Variants in KCNH7 observed in about 807,000 individuals in gnomAD.
KCNH7 encodes voltage-gated inwardly rectifying potassium channel KCNH7.
KCNH7 carries 49 observed loss-of-function variants against 120.8 expected under a neutral mutation model. The ratio of observed to expected loss-of-function variants is 0.41; its 90% CI spans 0.32 to 0.51. The LOEUF is 0.51. KCNH7 is among the 20% of genes least tolerant of loss of function. The pLI is 0.38. For missense variants in KCNH7, 1,097 were observed against 1,446.6 expected (o/e 0.76, Z 3.92); for synonymous variants, 547 against 516.1 (o/e 1.06, Z -0.81).
At chr2:162,464,310 A>G (rs1038515582) in intron 6 of KCNH7, among the ~76,000 whole-genome samples, 6 of 151,914 alleles carry the variant, frequency 3.9e-5, no homozygotes, top group African/African-American at 1.4e-4. Flanking sequence ...CTGATATTAT[A>G]CTATATATCT....
intron 6 of KCNH7, 63 bp downstream of exon 6, chr2:162,504,380 T>C (rs1230554582): frequency 8.3e-7 from 1 of 1,200,856 alleles, no homozygotes; most frequent in Non-Finnish European, 1.2e-6. Flanking sequence ...AAAAAGAATA[T>C]GTTTCATGGT....
chr2:162,698,171 T>C (rs540132499), intron 2 of KCNH7, among the ~76,000 whole-genome samples: 1 of 152,274 alleles, frequency 6.6e-6, no homozygotes, highest in African/African-American at 2.4e-5. Flanking sequence ...CATAAAACAT[T>C]TAATTTTTGC....
At chr2:162,408,181 T>C (rs185486433) in intron 9 of KCNH7, among the ~76,000 whole-genome samples, 22 of 152,178 alleles carry the variant, frequency 1.4e-4, no homozygotes, top group African/African-American at 4.8e-4. Context: ...TAGTTAGACA[T>C]AAAATGTTTC....
chr2:162,541,414 T>C (rs1354183054), intron 2 of KCNH7, among the ~76,000 whole-genome samples: 1 of 151,784 alleles, frequency 6.6e-6, no homozygotes, highest in African/African-American at 2.4e-5. Flanking sequence ...TTGTGGTGCG[T>C]TCAATAGCAA....
At chr2:162,450,003 T>A (rs192770101) in intron 6 of KCNH7, among the ~76,000 whole-genome samples, 4 of 152,086 alleles carry the variant, frequency 2.6e-5, no homozygotes, top group Non-Finnish European at 5.9e-5. Context: ...ATCTAATAGA[T>A]ACAACATTTT....
At chr2:162,454,764 T>C (rs1170340124) in intron 6 of KCNH7, among the ~76,000 whole-genome samples, 1 of 152,122 alleles carries the variant, frequency 6.6e-6, no homozygotes, top group African/African-American at 2.4e-5. Context: ...ACAGGAATGC[T>C]TGTCGTTTTT....
rs772921895 is a variant in KCNH7, at chr2:162,435,526, A to G, written c.1626T>C (p.Asp542=). The G allele has an allele frequency of 3.1e-6, 5 of 1,613,598 alleles. No homozygotes were observed. The highest frequency in any genetic ancestry group is 4.2e-6 in the Non-Finnish European group (5 of 1,179,750). ...CAGCAGCGCCATATTCTGAATATCG[A>G]TCCAGTTTCCTGGCCACGCGCACAA... ...LRLVRVARKL[D]RYSEYGAAVL... The change falls in exon 8 of 16, where the codon GAT becomes GAC. Residue 542 remains aspartate (D), a synonymous_variant. Transcript: ENST00000332142.
intron 2 of KCNH7, among the ~76,000 whole-genome samples, chr2:162,585,045 T>G (rs1020848248): frequency 3.3e-5 from 5 of 151,852 alleles, no homozygotes; most frequent in Non-Finnish European, 7.4e-5. Context: ...TAATCAACAC[T>G]TCACTTCTGG....
chr2:162,798,135 T>C (rs1207105960), intron 2 of KCNH7, among the ~76,000 whole-genome samples: 1 of 152,108 alleles, frequency 6.6e-6, no homozygotes, highest in African/African-American at 2.4e-5. Context: ...CTGTGTCCCA[T>C]GTAAACTATA....
At chr2:162,385,677 G>T (rs1285683053) in intron 12 of KCNH7, among the ~76,000 whole-genome samples, 1 of 151,852 alleles carries the variant, frequency 6.6e-6, no homozygotes, top group Non-Finnish European at 1.5e-5. Context: ...TTCTATTAGT[G>T]TCCTGGGGAG....
chr2:162,628,815 G>A (rs553978022), intron 2 of KCNH7, among the ~76,000 whole-genome samples: 54 of 152,014 alleles, frequency 3.6e-4, no homozygotes, highest in Non-Finnish European at 3.7e-4. Context: ...AGTATTCCAC[G>A]GTGTATGTGT....
intron 2 of KCNH7, among the ~76,000 whole-genome samples, chr2:162,554,166 C>T (rs1484974786): frequency 6.6e-6 from 1 of 152,114 alleles, no homozygotes; most frequent in East Asian, 1.9e-4. Flanking sequence ...ATATCATCTG[C>T]CCATGCCTCT....
chr2:162,756,642 T>C (rs919462212), intron 2 of KCNH7, among the ~76,000 whole-genome samples: 2 of 152,114 alleles, frequency 1.3e-5, no homozygotes, highest in African/African-American at 4.8e-5. Context: ...TTTTTGTTTA[T>C]TTTTTAGAAA....
At chr2:162,805,418 C>A (rs1035679796) in intron 2 of KCNH7, among the ~76,000 whole-genome samples, 1 of 151,746 alleles carries the variant, frequency 6.6e-6, no homozygotes, top group Non-Finnish European at 1.5e-5. Context: ...AAAAAGTGAG[C>A]AAAGGACATG....
At chr2:162,387,769 AGCATAGAATAAGT>A (rs1686618595) in intron 12 of KCNH7, among the ~76,000 whole-genome samples, 1 of 151,774 alleles carries the variant, frequency 6.6e-6, no homozygotes, top group South Asian at 2.1e-4. Context: ...TGTATTCAAG[AGCATAGAATAAGT>A]GTCCTAATGG....
At chr2:162,820,024 T>G (rs1190377446) in intron 2 of KCNH7, among the ~76,000 whole-genome samples, 2 of 148,640 alleles carry the variant, frequency 1.3e-5, no homozygotes, top group East Asian at 3.9e-4. Context: ...TATTTCTTTA[T>G]TCCATAAACT....
chr2:162,689,534 AAC>A (rs1686027321), intron 2 of KCNH7, among the ~76,000 whole-genome samples: 1 of 152,160 alleles, frequency 6.6e-6, no homozygotes, highest in Non-Finnish European at 1.5e-5. Flanking sequence ...TGAAAAAGCA[AAC>A]ACAATGCCTA....
rs56366316 is a variant in KCNH7, at chr2:162,781,900, T to C, written c.307+54637A>G. Reference sequence around the variant, plus strand: ...GCACAAAAGAAATTATGAAGCTGGATAAATTCAATGAATATTTCTTCACAT... The same window carrying C: ...GCACAAAAGAAATTATGAAGCTGGACAAATTCAATGAATATTTCTTCACAT... On this transcript the variant is annotated intron_variant, in intron 2 of 15. Transcript: ENST00000332142. Among the ~76,000 whole-genome samples the C allele has an allele frequency of 5.7e-3, 869 of 152,324 alleles. 1 individual carries two copies. The highest frequency in any genetic ancestry group is 9.7e-3 in the Non-Finnish European group (660 of 68,032).
chr2:162,404,704 G>A (rs889704402), intron 9 of KCNH7, among the ~76,000 whole-genome samples: 1 of 151,956 alleles, frequency 6.6e-6, no homozygotes, highest in Non-Finnish European at 1.5e-5. Flanking sequence ...CACCATGCTT[G>A]TACAGCCTGC....
Sources: gnomAD v4.1 joint callset for allele counts (sites outside exome capture counted in the v4.1 genomes callset) on GRCh38, gnomAD v4.1.1 for gene constraint, MANE v1.5 for transcripts, NCBI Gene and HGNC (gene_info 2026-07-23, HGNC 2026-07-21) for gene names.